Variants in LAMA5 observed in about 807,000 individuals in gnomAD.
LAMA5 encodes laminin subunit alpha-5.
Under a neutral mutation model 433.4 loss-of-function variants are expected in LAMA5, and 260 were observed. The observed-to-expected ratio is 0.60, with a 90% CI of 0.54 to 0.66. The LOEUF (loss-of-function observed/expected upper bound fraction) is 0.66, where lower values mean the gene tolerates loss of function less well. Among genes scored for constraint, LAMA5 ranks in the 30% least tolerant of loss-of-function variants. The pLI, the probability that LAMA5 is intolerant of heterozygous loss-of-function variation, is 0.00. For missense variants in LAMA5, 5,378 were observed against 5,258.5 expected (o/e 1.02, Z -0.70); for synonymous variants, 2,620 against 2,226.6 (o/e 1.18, Z -4.97).
rs1052570371 is a variant in LAMA5, at chr20:62,326,594, C to T, written c.5298+83G>A. 55 of 1,152,022 alleles carry T rather than the reference C, an allele frequency of 4.8e-5. No individual in the cohort carries two copies. The African/African-American group carries it at 7.6e-4, about 16-fold the overall frequency. The allele number at this position is 1,152,022 out of a possible 1,614,324, so 71.4% of individuals were successfully genotyped here. On this transcript the variant is annotated intron_variant, in intron 40 of 79. Transcript: ENST00000252999. ...TGTTTTCCACCACGGAGAATGGGCA[C>T]AGCAGCACTGGGACCCCTTCCGGCC...
At chr20:62,331,842 A>G (rs1193557553) in intron 28 of LAMA5, among the ~76,000 whole-genome samples, 4 of 152,224 alleles carry the variant, frequency 2.6e-5, no homozygotes, top group Non-Finnish European at 2.9e-5. Context: ...ACCTGAGGTC[A>G]GGAGTTTGAG....
rs1568931587 is a variant in LAMA5 at position 62,328,022 on chromosome 20, G to A, written c.4653-12C>T. On this transcript the variant is annotated splice_polypyrimidine_tract_variant and intron_variant, in intron 35 of 79. Transcript: ENST00000252999. ...CGTTGGGTCTGCACCTGTGGCAGGGGCGGGAGCTGAGCCCCCTCCACCCCA... is the reference window on the plus strand; with the variant it reads ...CGTTGGGTCTGCACCTGTGGCAGGGACGGGAGCTGAGCCCCCTCCACCCCA... 6.2e-7 allele frequency: 1 copy of A among 1,610,768 alleles called. No individual in the cohort carries two copies. Among genetic ancestry groups the A allele is most frequent in the South Asian group, 1.1e-5 (1 of 91,012 alleles).
intron 46 of LAMA5, 38 bp downstream of exon 46, chr20:62,322,620 G>GGGGCC: frequency 1.2e-5 from 17 of 1,398,912 alleles, no homozygotes; most frequent in Non-Finnish European, 1.6e-5. Flanking sequence ...TAGTCCCTAG[G>GGGGCC]CCCCACCCAC....
chr20:62,317,804 G>A lies in LAMA5; in HGVS notation c.7240-26C>T, dbSNP rs777875535. Reference sequence around the variant, plus strand: ...CTGAAGGCAATGCAGGGGAGTTGGGGACAATGAGGGGTAAGAAAAGAATAA... The same window carrying A: ...CTGAAGGCAATGCAGGGGAGTTGGGAACAATGAGGGGTAAGAAAAGAATAA... On this transcript the variant is annotated intron_variant, in intron 53 of 79. Transcript: ENST00000252999. 28 of 1,379,594 alleles carry A rather than the reference G, an allele frequency of 2.0e-5. No individual in the cohort carries two copies. In the Admixed American group the frequency reaches 4.8e-4, roughly 23 times the overall value. 85.5% of individuals were successfully genotyped at this position (1,379,594 alleles called of 1,614,324 possible).
Position 62,326,703 on chromosome 20 carries a change from G to A in LAMA5, c.5272C>T (p.His1758Tyr). 6.2e-7 allele frequency: 1 copy of A among 1,612,786 alleles called. No homozygotes were observed. The highest frequency in any genetic ancestry group is 8.5e-7 in the Non-Finnish European group (1 of 1,179,760). ...TCCACCAGCTGCAGCTGCCCACGGT[G>A]AACGTGGCCAGGCGTGGGGTATGCC... ...EPAYPTPGHV[H>Y]RGQLQLVEGN... The change falls in exon 40 of 80, where the codon CAC becomes TAC. Residue 1758 changes from histidine to tyrosine, a missense_variant. His to Tyr is a moderately conservative substitution (Grantham distance 83, BLOSUM62 2). Coordinates refer to ENST00000252999, the MANE Select transcript of LAMA5 (RefSeq NM_005560.6).
At chr20:62,333,519 A>ACCCCCTGACCCGG (rs752306264) in intron 24 of LAMA5, 38 bp from the exon 25 acceptor site, 1 of 1,582,870 alleles carries the variant, frequency 6.3e-7, no homozygotes, top group Non-Finnish European at 8.6e-7. Context: ...GGTGGGCCCC[A>ACCCCCTGACCCGG]CCCCCTGACC....
chr20:62,336,831 C>T (rs1474175600), intron 16 of LAMA5, 45 bp from the exon 17 acceptor site: 2 of 1,598,378 alleles, frequency 1.3e-6, no homozygotes, highest in Admixed American at 1.7e-5. Context: ...AGTGACCAAC[C>T]CGGAAGGCCA....
intron 16 of LAMA5, 96 bp downstream of exon 16, chr20:62,337,494 A>G (rs1339353059): frequency 4.7e-6 from 7 of 1,483,202 alleles, no homozygotes; most frequent in Non-Finnish European, 6.4e-6. Flanking sequence ...AGCAAGATGC[A>G]CGTGAACAGC....
intron 6 of LAMA5, among the ~76,000 whole-genome samples, chr20:62,348,280 A>G (rs541237628): frequency 3.3e-5 from 5 of 152,320 alleles, no homozygotes; most frequent in Non-Finnish European, 7.4e-5. Flanking sequence ...AGTAGAAGCC[A>G]GGGAAGAATG....
chr20:62,351,248 G>T (rs898973086), intron 6 of LAMA5: 1 of 226,444 alleles, frequency 4.4e-6, no homozygotes, highest in Non-Finnish European at 8.9e-6. Context: ...GTCCTGAAAG[G>T]TTGGGGGAGC....
chr20:62,329,801 C>T lies in LAMA5; in HGVS notation c.4095G>A (p.Val1365=). The T allele has an allele frequency of 6.2e-7, 1 of 1,612,436 alleles. No individual in the cohort carries two copies. The highest frequency in any genetic ancestry group is 8.5e-7 in the Non-Finnish European group (1 of 1,179,774). ...CCAGCCAGAGCCACCGGCCCTTGGG[C>T]ACACGCACGGTCACAGTGAGCTCGC... ...THSELTVTVR[V]PKGRWLWLDY... is the part of the protein sequence containing the mutation. Residue 1365 remains valine (V), a synonymous_variant, in exon 32 of 80, where the codon GTG becomes GTA. Transcript: ENST00000252999.
intron 21 of LAMA5, 22 bp downstream of exon 21, chr20:62,334,500 C>T: frequency 6.5e-7 from 1 of 1,539,776 alleles, no homozygotes; most frequent in Non-Finnish European, 8.8e-7. Flanking sequence ...TCCCCACCAC[C>T]CAGTGGGGAA....
chr20:62,323,073 G>A (rs1408602412), intron 45 of LAMA5, among the ~76,000 whole-genome samples: 1 of 123,452 alleles, frequency 8.1e-6, no homozygotes, highest in Non-Finnish European at 1.7e-5. Flanking sequence ...ATGTGATCGT[G>A]AGGTGGGGGG....
intron 6 of LAMA5, among the ~76,000 whole-genome samples, chr20:62,347,996 A>T (rs1983636464): frequency 6.6e-6 from 1 of 152,202 alleles, no homozygotes; most frequent in Non-Finnish European, 1.5e-5. Context: ...TCAACAAAGA[A>T]GCTGCTCTGT....
chr20:62,330,423 G>A (rs1980138521), intron 31 of LAMA5, 65 bp downstream of exon 31: 1 of 1,465,376 alleles, frequency 6.8e-7, no homozygotes, highest in Admixed American at 2.6e-5. Flanking sequence ...AGGCCACGCT[G>A]TGGCGCCGGC....
intron 46 of LAMA5, 26 bp downstream of exon 46, chr20:62,322,632 C>A (rs996144727): frequency 7.1e-7 from 1 of 1,406,360 alleles, no homozygotes; most frequent in Non-Finnish European, 9.8e-7. Flanking sequence ...CCCACCCACC[C>A]AGCCCTGCTT....
At chr20:62,345,988 T>G in intron 10 of LAMA5, 93 bp downstream of exon 10, 1 of 1,583,330 alleles carries the variant, frequency 6.3e-7, no homozygotes, top group Admixed American at 1.7e-5. Context: ...CAGGATAACA[T>G]GGTCCATCCC....
intron 43 of LAMA5, 21 bp from the exon 44 acceptor site, chr20:62,323,877 A>C: frequency 6.3e-7 from 1 of 1,589,230 alleles, no homozygotes; most frequent in Non-Finnish European, 8.6e-7. Context: ...CAGCAGCGTC[A>C]GTCACTAGGC....
chr20:62,351,995 T>C lies in LAMA5; in HGVS notation c.772A>G (p.Asn258Asp). The part of the protein sequence containing the change: ...PLLREFTKAT[N>D]VRLRFLRTNT... Reference sequence around the variant, plus strand: ...GTACGCAGGAAGCGCAGGCGGACGTTGGTGGCCTTGGTGAACTCACGTAGC... The same window carrying C: ...GTACGCAGGAAGCGCAGGCGGACGTCGGTGGCCTTGGTGAACTCACGTAGC... Residue 258 changes from asparagine (N) to aspartate (D), a missense_variant, in exon 5 of 80, where the codon AAC (asparagine) becomes GAC (aspartate). Asn to Asp is a conservative substitution (Grantham distance 23, BLOSUM62 1). Transcript: ENST00000252999. 6.2e-7 allele frequency: 1 copy of C among 1,612,664 alleles called. No individual in the cohort carries two copies. Among genetic ancestry groups the C allele is most frequent in the Non-Finnish European group, 8.5e-7 (1 of 1,179,924 alleles).
Sources: gnomAD v4.1 joint callset for allele counts (sites outside exome capture counted in the v4.1 genomes callset) on GRCh38, gnomAD v4.1.1 for gene constraint, MANE v1.5 for transcripts, NCBI Gene and HGNC (gene_info 2026-07-23, HGNC 2026-07-21) for gene names.